TTC34: variants seen among roughly 807,000 people sequenced by gnomAD.
The protein encoded by TTC34 is tetratricopeptide repeat domain 34, also known as tetratricopeptide repeat protein 34.
In TTC34, 44 loss-of-function variants were observed where a neutral mutation model predicts 40.7. The ratio of observed to expected loss-of-function variants is 1.08; its 90% CI spans 0.85 to 1.39. The LOEUF (loss-of-function observed/expected upper bound fraction) is 1.39, where lower values mean the gene tolerates loss of function less well. TTC34 is among the 40% of genes most tolerant of loss of function. The pLI, the probability that TTC34 is intolerant of heterozygous loss-of-function variation, is 0.00. For missense variants in TTC34, 884 were observed against 838.0 expected (o/e 1.05, Z -0.68); for synonymous variants, 422 against 398.6 (o/e 1.06, Z -0.70).
intron 6 of TTC34, among the ~76,000 whole-genome samples, chr1:2,683,084 T>C (rs1640148403): frequency 1.3e-5 from 2 of 151,512 alleles, no homozygotes; most frequent in Non-Finnish European, 1.5e-5. Flanking sequence ...CAGGCGAGCA[T>C]CTGACAGCCT....
At chr1:2,779,702 A>G (rs1296069404) in intron 6 of TTC34, among the ~76,000 whole-genome samples, 1 of 152,138 alleles carries the variant, frequency 6.6e-6, no homozygotes, top group Non-Finnish European at 1.5e-5. Context: ...TCCCACCAAT[A>G]GTGCAGAAGG....
At chr1:2,792,582 C>T (rs929370014) in intron 2 of TTC34, among the ~76,000 whole-genome samples, 1 of 152,144 alleles carries the variant, frequency 6.6e-6, no homozygotes, top group Non-Finnish European at 1.5e-5. Flanking sequence ...AATTCTATTG[C>T]TTTTTGGTGG....
At chr1:2,784,834 G>A (rs1643553378) in intron 5 of TTC34, among the ~76,000 whole-genome samples, 1 of 152,126 alleles carries the variant, frequency 6.6e-6, no homozygotes, top group Non-Finnish European at 1.5e-5. Flanking sequence ...GAAACAGTTT[G>A]TGCCTTCAGT....
chr1:2,697,477 T>TGAGCATCTGACAGCCTGAAACAGCA (rs1640920007), intron 6 of TTC34, among the ~76,000 whole-genome samples: 6 of 56,174 alleles, frequency 1.1e-4, no homozygotes, highest in African/African-American at 3.5e-4. Flanking sequence ...CTGGAACAGC[T>TGAGCATCTGACAGCCTGAAACAGCA]CCCTGCACCC....
chr1:2,695,833 C>A (rs111524700), intron 6 of TTC34, among the ~76,000 whole-genome samples: 124 of 151,576 alleles, frequency 8.2e-4, no homozygotes, highest in African/African-American at 2.8e-3. Flanking sequence ...ACAGCATCCA[C>A]ACCCCCAGGT....
chr1:2,652,164 C>T (rs796791832), intron 6 of TTC34, among the ~76,000 whole-genome samples: 1 of 540 alleles, frequency 1.9e-3, no homozygotes, highest in Non-Finnish European at 4.4e-3. Flanking sequence ...ACAACCCACA[C>T]CCCCAGGTGA....
intron 6 of TTC34, among the ~76,000 whole-genome samples, chr1:2,768,557 A>T (rs1231673416): frequency 2.6e-5 from 4 of 151,876 alleles, no homozygotes; most frequent in Non-Finnish European, 1.5e-5. Flanking sequence ...TGAGCATCTG[A>T]TAGCCTGGAT....
chr1:2,764,260 A>T, intron 6 of TTC34, among the ~76,000 whole-genome samples: 1 of 150,218 alleles, frequency 6.7e-6, no homozygotes, highest in Non-Finnish European at 1.5e-5. Flanking sequence ...CAGCACGCAC[A>T]CCCCCAGGCG....
At chr1:2,788,362 TTGTA>T (rs962753769) in intron 3 of TTC34, among the ~76,000 whole-genome samples, 211 of 151,782 alleles carry the variant, frequency 1.4e-3, no homozygotes, top group African/African-American at 4.6e-3. Context: ...GGTGTGTGTG[TTGTA>T]TGTGTGGTGT....
At chr1:2,686,846 C>G (rs1418718050) in intron 6 of TTC34, among the ~76,000 whole-genome samples, 4 of 148,374 alleles carry the variant, frequency 2.7e-5, no homozygotes, top group Admixed American at 6.7e-5. Context: ...CCCCACACCC[C>G]CAGGTGAGCA....
intron 6 of TTC34, among the ~76,000 whole-genome samples, chr1:2,681,912 G>A (rs1412405509): frequency 4.4e-4 from 51 of 115,644 alleles, no homozygotes; most frequent in African/African-American, 1.7e-3. Context: ...GCACCACCAG[G>A]TGCGCATGTG....
At chr1:2,651,926 C>A (rs1253460359) in intron 6 of TTC34, among the ~76,000 whole-genome samples, 5 of 152,182 alleles carry the variant, frequency 3.3e-5, no homozygotes, top group African/African-American at 9.7e-5. Context: ...ACCCTGCACT[C>A]AGGGGAGCAT....
chr1:2,756,601 C>G (rs1641513527), intron 6 of TTC34, among the ~76,000 whole-genome samples: 5 of 151,946 alleles, frequency 3.3e-5, no homozygotes, highest in Non-Finnish European at 4.4e-5. Flanking sequence ...AGGTGAGCAT[C>G]TGACAGCCTG....
chr1:2,685,236 C>CA (rs1221719116), intron 6 of TTC34, among the ~76,000 whole-genome samples: 23 of 50,088 alleles, frequency 4.6e-4, no homozygotes, highest in East Asian at 2.3e-3. Context: ...GCAGCACCCA[C>CA]ACCCCAGGTG....
intron 6 of TTC34, among the ~76,000 whole-genome samples, chr1:2,701,587 T>G: frequency 1.6e-5 from 1 of 60,678 alleles, no homozygotes; most frequent in East Asian, 3.2e-4. Context: ...CACCCCCAGG[T>G]GAGCATCTGG....
intron 2 of TTC34, among the ~76,000 whole-genome samples, chr1:2,790,652 G>T (rs897580982): frequency 5.9e-5 from 9 of 152,202 alleles, no homozygotes; most frequent in Admixed American, 6.5e-5. Context: ...CACTCCCACC[G>T]CTCAGTGCAA....
chr1:2,785,546 T>A (rs1413392575), intron 5 of TTC34, among the ~76,000 whole-genome samples: 4 of 152,018 alleles, frequency 2.6e-5, no homozygotes, highest in Non-Finnish European at 4.4e-5. Context: ...GGACTGGGGG[T>A]GCTGGGACGG....
exon 2 of TTC34, chr1:2,800,646 G>T (rs962493683): frequency 1.0e-5 from 4 of 398,486 alleles, no homozygotes; most frequent in East Asian, 3.6e-5. Context: ...GGACTCCAGG[G>T]TGGCCACCAC....
At chr1:2,788,776 G>C (rs1407406450) in intron 3 of TTC34, among the ~76,000 whole-genome samples, 1 of 152,204 alleles carries the variant, frequency 6.6e-6, no homozygotes. Context: ...CCTGGAGACA[G>C]GACATTACCC....
Sources: allele counts gnomAD v4.1 joint callset (sites outside exome capture counted in the v4.1 genomes callset), GRCh38; gene constraint gnomAD v4.1.1; transcripts MANE v1.5; gene names NCBI Gene and HGNC (gene_info 2026-07-23, HGNC 2026-07-21).